The following KDM4C variants were observed in gnomAD, a reference collection of about 807,000 sequenced individuals.
KDM4C encodes the protein lysine demethylase 4C, also known as lysine-specific demethylase 4C.
Under a neutral mutation model 129.3 loss-of-function variants are expected in KDM4C, and 81 were observed. The observed-to-expected ratio is 0.63, with a 90% CI of 0.52 to 0.75. The LOEUF (loss-of-function observed/expected upper bound fraction) is 0.75. KDM4C is among the 30% of genes least tolerant of loss of function. The pLI, the probability that KDM4C is intolerant of heterozygous loss-of-function variation, is 0.00. For synonymous variants in KDM4C, 573 were observed against 456.1 expected, an observed-to-expected ratio of 1.26 and a Z score of -3.26; for missense variants, 1,457 against 1,304.0, an observed-to-expected ratio of 1.12 and a Z score of -1.81.
At chr9:6,870,156 C>G (rs764293147) in intron 5 of KDM4C, among the ~76,000 whole-genome samples, 4 of 151,978 alleles carry the variant, frequency 2.6e-5, no homozygotes, top group Non-Finnish European at 5.9e-5. Context: ...AACAAGAACT[C>G]CCTTGCATCC....
At chr9:7,029,447 A>C (rs1036819970) in intron 15 of KDM4C, among the ~76,000 whole-genome samples, 1 of 152,002 alleles carries the variant, frequency 6.6e-6, no homozygotes, top group Non-Finnish European at 1.5e-5. Flanking sequence ...GTTTACCTCT[A>C]TTCCAATAAA....
At chr9:7,171,207 C>T (rs1036915467) in intron 21 of KDM4C, among the ~76,000 whole-genome samples, 2 of 152,000 alleles carry the variant, frequency 1.3e-5, no homozygotes, top group African/African-American at 4.8e-5. Flanking sequence ...TATTGCTGCC[C>T]ACTCGATGGG....
At chr9:7,046,025 A>G (rs1829338910) in intron 15 of KDM4C, among the ~76,000 whole-genome samples, 1 of 152,066 alleles carries the variant, frequency 6.6e-6, no homozygotes, top group Non-Finnish European at 1.5e-5. Context: ...CCAATTTAAA[A>G]AATGTATTAA....
At chr9:6,808,095 AG>A (rs1211487952) in intron 3 of KDM4C, among the ~76,000 whole-genome samples, 2 of 66,664 alleles carry the variant, frequency 3.0e-5, no homozygotes, top group African/African-American at 8.8e-5. Context: ...CTGCCCGGCC[AG>A]CCGCCCCGTC....
At position 6,940,739 on chromosome 9, in the gene KDM4C, A is replaced by G. The variant is rs184066768; in HGVS notation, c.922-40186A>G. On this transcript the variant is annotated intron_variant, in intron 8 of 21. Coordinates refer to ENST00000381309, the MANE Select transcript of KDM4C (RefSeq NM_015061.6). ...TTTTTTACAGCACGTAAGTATCCAT[A>G]TATCATAAGACATGTAACTACCATA... 6.1e-4 allele frequency among the ~76,000 whole-genome samples: 93 copies of G among 152,344 alleles called. 1 individual carries two copies. The highest frequency in any genetic ancestry group is 2.2e-3 in the African/African-American group (91 of 41,586).
chr9:6,900,675 G>T lies in KDM4C; in HGVS notation c.921+7443G>T, dbSNP rs201422362. 1.6e-4 allele frequency among the ~76,000 whole-genome samples: 25 copies of T among 152,350 alleles called. No individual in the cohort carries two copies. The East Asian group carries it at 4.6e-3, about 28-fold the overall frequency. On this transcript the variant is annotated intron_variant, in intron 8 of 21. Coordinates refer to ENST00000381309, the MANE Select transcript of KDM4C (RefSeq NM_015061.6). ...CCAATGGACATGTTATTTTGGATTC[G>T]TCTTCTCTGTCGATAAACCTACATG...
intron 8 of KDM4C, among the ~76,000 whole-genome samples, chr9:6,934,246 CG>C (rs1563839467): frequency 1.3e-5 from 2 of 151,804 alleles, no homozygotes; most frequent in African/African-American, 4.8e-5. Context: ...CTTTGGGAGG[CG>C]GAGGCAGGCT....
At chr9:7,174,114 G>A (rs1362782271) in intron 21 of KDM4C, among the ~76,000 whole-genome samples, 2 of 152,202 alleles carry the variant, frequency 1.3e-5, no homozygotes, top group African/African-American at 2.4e-5. Flanking sequence ...GTCAGTTTAG[G>A]GATAGGAAGG....
At chr9:6,951,860 T>A (rs928847064) in intron 8 of KDM4C, among the ~76,000 whole-genome samples, 43 of 152,240 alleles carry the variant, frequency 2.8e-4, no homozygotes, top group African/African-American at 9.9e-4. Flanking sequence ...AATAGCAATA[T>A]TATTTAAATG....
intron 15 of KDM4C, among the ~76,000 whole-genome samples, chr9:7,019,700 TA>T (rs1824329169): frequency 7.7e-6 from 1 of 129,906 alleles, no homozygotes; most frequent in South Asian, 2.4e-4. Context: ...AAAAATATAA[TA>T]TTTTTATATA....
At chr9:7,039,189 T>A (rs1210959186) in intron 15 of KDM4C, among the ~76,000 whole-genome samples, 1 of 151,986 alleles carries the variant, frequency 6.6e-6, no homozygotes, top group Admixed American at 6.6e-5. Flanking sequence ...TTGGAGTATA[T>A]TTTTTATGAG....
At chr9:6,953,299 T>G (rs1248232749) in intron 8 of KDM4C, among the ~76,000 whole-genome samples, 1 of 152,242 alleles carries the variant, frequency 6.6e-6, no homozygotes, top group Non-Finnish European at 1.5e-5. Flanking sequence ...GCAGTTTTGA[T>G]TCTCATGGAG....
In KDM4C at chr9:6,758,230, C is replaced by T; in HGVS notation, c.-18+27C>T. 1 of 983,428 alleles carries T rather than the reference C, an allele frequency of 1.0e-6. No homozygotes were observed. The highest frequency in any genetic ancestry group is 1.2e-6 in the Non-Finnish European group (1 of 828,086). The allele number at this position is 983,428 out of a possible 1,614,324, so 60.9% of individuals were successfully genotyped here. ...TAACCGCTTTTCCGGAGTCTGGGGG[C>T]CAGGGCGGGGGGAGGGTCCGGAGAG... On this transcript the variant is annotated intron_variant, in intron 1 of 21. Transcript: ENST00000381309. The surrounding 1 kb of genome is among the most constrained non-coding windows in gnomAD (Gnocchi z 4.6).
intron 15 of KDM4C, among the ~76,000 whole-genome samples, chr9:7,041,451 G>T (rs1049397898): frequency 6.6e-6 from 1 of 151,850 alleles, no homozygotes; most frequent in Non-Finnish European, 1.5e-5. Context: ...TGTCTCTATA[G>T]TCATTAAACT....
intron 8 of KDM4C, among the ~76,000 whole-genome samples, chr9:6,958,666 C>T (rs369304686): frequency 2.7e-4 from 39 of 144,606 alleles, no homozygotes; most frequent in Admixed American, 1.3e-3. Flanking sequence ...GTTAAAAATA[C>T]ATTATGCCTT....
intron 19 of KDM4C, among the ~76,000 whole-genome samples, chr9:7,141,364 GAAC>G (rs570936633): frequency 2.8e-4 from 43 of 152,042 alleles, no homozygotes; most frequent in Middle Eastern, 3.4e-3. Flanking sequence ...AAACAAAACA[GAAC>G]AACAACAACA....
chr9:7,018,860 C>T (rs1470981931), intron 15 of KDM4C, among the ~76,000 whole-genome samples: 1 of 152,196 alleles, frequency 6.6e-6, no homozygotes, highest in Non-Finnish European at 1.5e-5. Flanking sequence ...TCCTTGCCCC[C>T]TCAGAAAATA....
chr9:7,082,856 G>A (rs983327583), intron 17 of KDM4C, among the ~76,000 whole-genome samples: 4 of 151,666 alleles, frequency 2.6e-5, no homozygotes, highest in African/African-American at 9.7e-5. Context: ...CAAGTTGTAT[G>A]CAAAAAAAAA....
chr9:6,839,265 G>T lies in KDM4C; in HGVS notation c.436-10242G>T, dbSNP rs1375695220. Among the ~76,000 whole-genome samples the T allele has an allele frequency of 4.6e-5, 7 of 152,128 alleles. No individual in the cohort carries two copies. The East Asian group carries it at 1.4e-3, about 29-fold the overall frequency. On this transcript the variant is annotated intron_variant, in intron 4 of 21. Coordinates refer to ENST00000381309, the MANE Select transcript of KDM4C (RefSeq NM_015061.6). ...TTCCCTTTGACACAGGGTCTCACTCGGTTACCCAGGCTAGAGTGCAGTAGC... is the reference window on the plus strand; with the variant it reads ...TTCCCTTTGACACAGGGTCTCACTCTGTTACCCAGGCTAGAGTGCAGTAGC...
Sources: gnomAD v4.1 joint callset for allele counts (sites outside exome capture counted in the v4.1 genomes callset) on GRCh38, gnomAD v4.1.1 for gene constraint, Gnocchi (gnomAD v3.1) non-coding constraint, MANE v1.5 for transcripts, NCBI Gene and HGNC (gene_info 2026-07-23, HGNC 2026-07-21) for gene names.